Variants in ERC1 observed in about 807,000 individuals in gnomAD.
ERC1 encodes the protein RAB6 interacting protein 2.
A neutral mutation model predicts 132.0 loss-of-function variants in ERC1; 56 were observed. The observed-to-expected ratio is 0.42, with a 90% CI of 0.34 to 0.53. The LOEUF is 0.53. Ranked by LOEUF, ERC1 falls within the 20% of genes least tolerant of loss-of-function variation. ERC1 has a pLI of 0.03. For missense variants in ERC1, 1,202 were observed against 1,349.9 expected, an observed-to-expected ratio of 0.89 and a Z score of 1.72; for synonymous variants, 478 against 476.1, an observed-to-expected ratio of 1.00 and a Z score of -0.05.
At chr12:1,267,567 T>C (rs1404105643) in intron 14 of ERC1, among the ~76,000 whole-genome samples, 1 of 152,176 alleles carries the variant, frequency 6.6e-6, no homozygotes. Flanking sequence ...GAGACCAACC[T>C]GTACGACAAT....
At chr12:1,196,977 T>TATATATA (rs1491567979) in intron 12 of ERC1, among the ~76,000 whole-genome samples, 1 of 28,738 alleles carries the variant, frequency 3.5e-5, no homozygotes, top group African/African-American at 3.2e-4. Flanking sequence ...TATATATATA[T>TATATATA]TTTTTTTTTT....
At chr12:1,187,110 C>T (rs1021182205) in intron 11 of ERC1, among the ~76,000 whole-genome samples, 1 of 152,158 alleles carries the variant, frequency 6.6e-6, no homozygotes, top group Non-Finnish European at 1.5e-5. Flanking sequence ...GGGTGACAGG[C>T]GTGAGCCAGT....
chr12:1,198,217 T>G (rs1457914475), intron 12 of ERC1, among the ~76,000 whole-genome samples: 1 of 152,198 alleles, frequency 6.6e-6, no homozygotes, highest in African/African-American at 2.4e-5. Context: ...GGTGAGCCAC[T>G]GCAGCCAGCC....
In ERC1 at chr12:1,345,187, C is replaced by CTTTTTTTTT. The variant is rs573681390; in HGVS notation, c.2781-26643_2781-26635dup. On this transcript the variant is annotated intron_variant, in intron 15 of 18. Coordinates refer to ENST00000360905, the MANE Select transcript of ERC1 (RefSeq NM_178040.4). ...AGAGAATTTCAGTAGAATATTTCTT[C>CTTTTTTTTT]TTTTTTTTTTTGAGACGGAGTCTCA... Among the ~76,000 whole-genome samples, 232 of 131,484 alleles carry CTTTTTTTTT rather than the reference C, an allele frequency of 1.8e-3. 14 individuals are homozygous for CTTTTTTTTT. The highest frequency in any genetic ancestry group is 6.6e-3 in the African/African-American group (223 of 33,800). 86.3% of individuals were successfully genotyped at this position (131,484 alleles called of 152,430 possible). A position where few individuals can be genotyped will look rare whatever the true frequency, so the allele number is the denominator to read the frequency against.
chr12:1,272,872 C>T (rs1003531955), intron 14 of ERC1, among the ~76,000 whole-genome samples: 22 of 148,090 alleles, frequency 1.5e-4, no homozygotes, highest in South Asian at 2.2e-4. Flanking sequence ...TGCTTGAACC[C>T]GGGCAGCAGA....
chr12:995,095 CAA>C (rs1413419953), intron 1 of ERC1, among the ~76,000 whole-genome samples: 8 of 121,690 alleles, frequency 6.6e-5, no homozygotes, highest in African/African-American at 3.2e-5. Context: ...GACTCTGTCT[CAA>C]AAAAAAAAAA....
intron 18 of ERC1, among the ~76,000 whole-genome samples, chr12:1,461,986 A>G (rs1453878661): frequency 2.0e-5 from 3 of 152,244 alleles, no homozygotes; most frequent in African/African-American, 4.8e-5. Flanking sequence ...AGATATTTTA[A>G]AAGTCAGTAA....
intron 1 of ERC1, among the ~76,000 whole-genome samples, chr12:1,000,974 G>A (rs921562396): frequency 6.6e-6 from 1 of 151,924 alleles, no homozygotes; most frequent in Non-Finnish European, 1.5e-5. Context: ...GCAGTGATGC[G>A]ATCTCGTCTC....
intron 1 of ERC1, among the ~76,000 whole-genome samples, chr12:1,026,259 C>G (rs1023288742): frequency 1.3e-5 from 2 of 152,160 alleles, no homozygotes; most frequent in African/African-American, 4.8e-5. Context: ...ATGAGACGCA[C>G]TCACTACCAC....
At chr12:1,074,332 G>C (rs1280611595) in intron 2 of ERC1, among the ~76,000 whole-genome samples, 1 of 151,844 alleles carries the variant, frequency 6.6e-6, no homozygotes, top group Non-Finnish European at 1.5e-5. Context: ...TTCCGAGACA[G>C]AGCTTTGCTC....
chr12:1,301,016 G>T (rs1309579350), intron 15 of ERC1, among the ~76,000 whole-genome samples: 1 of 138,844 alleles, frequency 7.2e-6, no homozygotes, highest in Non-Finnish European at 1.6e-5. Context: ...GCCGTTAAAA[G>T]TAACGAAATA....
chr12:1,008,642 A>G (rs60487933), intron 1 of ERC1, among the ~76,000 whole-genome samples: 1,890 of 111,434 alleles, frequency 0.017, 41 homozygotes, highest in African/African-American at 0.048. Flanking sequence ...CTTAATTGAA[A>G]TACTAATTTT....
intron 15 of ERC1, among the ~76,000 whole-genome samples, chr12:1,340,227 A>G (rs969906708): frequency 9.2e-5 from 14 of 152,086 alleles, no homozygotes; most frequent in African/African-American, 2.9e-4. Flanking sequence ...GCAGACCAAG[A>G]GGTGCTCAGG....
intron 1 of ERC1, among the ~76,000 whole-genome samples, chr12:1,019,856 C>T (rs1966076644): frequency 6.6e-6 from 1 of 152,108 alleles, no homozygotes; most frequent in South Asian, 2.1e-4. Context: ...ATCTTCCTGC[C>T]TCAGCTTCCT....
chr12:1,149,870 T>A (rs568909930), intron 8 of ERC1, among the ~76,000 whole-genome samples: 1 of 152,214 alleles, frequency 6.6e-6, no homozygotes, highest in South Asian at 2.1e-4. Flanking sequence ...TTGCCCGCTT[T>A]GTGAGGTATT....
At chr12:1,301,740 T>C (rs1365112892) in intron 15 of ERC1, among the ~76,000 whole-genome samples, 1 of 152,078 alleles carries the variant, frequency 6.6e-6, no homozygotes, top group Non-Finnish European at 1.5e-5. Flanking sequence ...ACCTGAGCGA[T>C]GAAATAGTCT....
At chr12:1,079,064 A>G (rs947799159) in intron 2 of ERC1, among the ~76,000 whole-genome samples, 1 of 151,856 alleles carries the variant, frequency 6.6e-6, no homozygotes, top group Non-Finnish European at 1.5e-5. Flanking sequence ...AAGTCGATAT[A>G]CAGAGATACA....
At chr12:1,376,919 A>G (rs1326040823) in intron 16 of ERC1, among the ~76,000 whole-genome samples, 1 of 152,158 alleles carries the variant, frequency 6.6e-6, no homozygotes, top group African/African-American at 2.4e-5. Context: ...CTTTCGGTAC[A>G]CGCGGTCTTT....
At chr12:1,131,756 G>A (rs1291398868) in intron 7 of ERC1, among the ~76,000 whole-genome samples, 2 of 152,104 alleles carry the variant, frequency 1.3e-5, no homozygotes, top group African/African-American at 2.4e-5. Context: ...GAGCCACCGC[G>A]CCCAGCCAGA....
Sources: gnomAD v4.1 joint callset for allele counts (sites outside exome capture counted in the v4.1 genomes callset) on GRCh38, gnomAD v4.1.1 for gene constraint, MANE v1.5 for transcripts, NCBI Gene and HGNC (gene_info 2026-07-23, HGNC 2026-07-21) for gene names.